Variants in KIAA1549 observed in about 807,000 individuals in gnomAD.
KIAA1549 encodes the protein UPF0606 protein KIAA1549.
In KIAA1549, 70 loss-of-function variants were observed where a neutral mutation model predicts 156.4. That is an observed-to-expected ratio of 0.45 (90% CI 0.37 to 0.55). KIAA1549 has a LOEUF of 0.55. Ranked by LOEUF, KIAA1549 falls within the 20% of genes least tolerant of loss-of-function variation. The pLI is 0.00. For synonymous variants in KIAA1549, 1,103 were observed against 1,066.4 expected (o/e 1.03, Z -0.67); for missense variants, 2,428 against 2,540.9 (o/e 0.96, Z 0.96).
Position 138,917,226 on chromosome 7 carries a change from A to T in KIAA1549, c.2400T>A (p.Thr800=), listed in dbSNP as rs1044614437. The T allele has an allele frequency of 6.2e-7, 1 of 1,614,022 alleles. No homozygotes were observed. Among genetic ancestry groups the T allele is most frequent in the Non-Finnish European group, 8.5e-7 (1 of 1,179,916 alleles). The change falls in exon 2 of 20, where the codon ACT becomes ACA. Residue 800 remains threonine, a synonymous_variant. Transcript: ENST00000422774. ...TCAGAGTTGAGAACAAAGAAGACTC[A>T]GTTAAAATGGGCGTTGTGTGGACAG... The part of the protein sequence containing the change: ...LTTVHTTPIL[T]ESSLFSTLTP...
At chr7:138,976,097 G>C (rs541601235) in intron 1 of KIAA1549, among the ~76,000 whole-genome samples, 43 of 152,172 alleles carry the variant, frequency 2.8e-4, no homozygotes, top group African/African-American at 1.0e-3. Context: ...TTTATTTTGA[G>C]ATGGAGTCTT....
At chr7:138,871,461 G>C in intron 12 of KIAA1549, 99 bp from the exon 13 acceptor site, 1 of 1,040,738 alleles carries the variant, frequency 9.6e-7, no homozygotes, top group Non-Finnish European at 1.3e-6. Context: ...CTTTGGATGG[G>C]CCTCTGACCA....
intron 1 of KIAA1549, among the ~76,000 whole-genome samples, chr7:138,970,487 C>T (rs188950579): frequency 1.3e-4 from 20 of 152,326 alleles, no homozygotes; most frequent in Admixed American, 3.9e-4. Flanking sequence ...GCGCTATGGA[C>T]TCTCCACTAA....
Position 138,963,022 on chromosome 7 carries a change from C to G in KIAA1549, c.187+18061G>C, listed in dbSNP as rs192870695. Among the ~76,000 whole-genome samples, 20 of 152,308 alleles carry G rather than the reference C, an allele frequency of 1.3e-4. No homozygotes were observed. The East Asian group carries it at 3.9e-3, about 29-fold the overall frequency. ...GTACAGAACAACTTCCCCTTGTAGACGGAGTTGCTAGAGGGCTGTGACTGA... is the reference window on the plus strand; with the variant it reads ...GTACAGAACAACTTCCCCTTGTAGAGGGAGTTGCTAGAGGGCTGTGACTGA... On this transcript the variant is annotated intron_variant, in intron 1 of 19. Coordinates refer to ENST00000422774, the MANE Select transcript of KIAA1549 (RefSeq NM_001164665.2).
intron 14 of KIAA1549, among the ~76,000 whole-genome samples, 186 bp downstream of exon 14, chr7:138,869,352 C>T (rs377552527): frequency 1.3e-5 from 2 of 152,230 alleles, no homozygotes; most frequent in African/African-American, 2.4e-5. Context: ...GTAAGCCTTC[C>T]GAGTGGCCTC....
intron 15 of KIAA1549, among the ~76,000 whole-genome samples, chr7:138,865,671 C>T (rs948643203): frequency 2.6e-5 from 4 of 152,090 alleles, no homozygotes; most frequent in African/African-American, 9.7e-5. Context: ...GCTCTGCACC[C>T]ACAGGAGGAG....
chr7:138,876,051 G>T (rs369996516), intron 12 of KIAA1549, among the ~76,000 whole-genome samples: 3 of 151,830 alleles, frequency 2.0e-5, no homozygotes, highest in African/African-American at 7.3e-5. Flanking sequence ...CGCAACCCAC[G>T]TTAACATCCT....
chr7:138,974,237 A>C (rs2130576623), intron 1 of KIAA1549, among the ~76,000 whole-genome samples: 1 of 152,158 alleles, frequency 6.6e-6, no homozygotes, highest in Non-Finnish European at 1.5e-5. Context: ...CAAAAAACTA[A>C]AGCAGAGTCC....
intron 1 of KIAA1549, among the ~76,000 whole-genome samples, chr7:138,964,022 G>A (rs1231452059): frequency 3.3e-5 from 5 of 152,176 alleles, no homozygotes; most frequent in South Asian, 2.1e-4. Flanking sequence ...TTTTTTTATT[G>A]TTAAAATGTT....
intron 1 of KIAA1549, among the ~76,000 whole-genome samples, chr7:138,966,524 G>A (rs1299375211): frequency 1.3e-5 from 2 of 152,086 alleles, no homozygotes; most frequent in Non-Finnish European, 2.9e-5. Context: ...AGAACCTGAA[G>A]TTCGATGTTC....
chr7:138,837,970 G>A lies in KIAA1549; in HGVS notation c.5789C>T (p.Ala1930Val). The A allele has an allele frequency of 6.2e-7, 1 of 1,613,776 alleles. No individual in the cohort carries two copies. The change falls in exon 20 of 20, where the codon GCA becomes GTA. Residue 1930 changes from alanine to valine, a missense_variant. Ala to Val is a moderately conservative substitution (Grantham distance 64). Transcript: ENST00000422774. ...PGHSSASLIKAIREELLRLSQ... is the reference protein window; with the variant it reads ...PGHSSASLIKVIREELLRLSQ... ...GAGCCGGAGGAGCTCCTCGCGGATT[G>A]CTTTGATGAGAGAGGCCGAGGAGTG... is the stretch of plus-strand genomic sequence containing the variant.
Position 138,833,644 on chromosome 7 carries a change from AATAT to A in KIAA1549, c.*4258_*4261del, listed in dbSNP as rs1312462035. ...TGTGTAGGTAGCAGTAAAGAAGCTG[AATAT>A]ATATATAGATAGATAGACAGATACA... On this transcript the variant is annotated 3_prime_UTR_variant, in exon 20 of 20. Transcript: ENST00000422774. The A allele has an allele frequency of 4.3e-6, 1 of 231,642 alleles. No individual in the cohort carries two copies. Among genetic ancestry groups the A allele is most frequent in the Non-Finnish European group, 8.5e-6 (1 of 117,650 alleles). 14.3% of individuals were successfully genotyped at this position (231,642 alleles called of 1,614,324 possible).
At chr7:138,883,112 A>AAAG (rs1811292813) in intron 10 of KIAA1549, among the ~76,000 whole-genome samples, 2 of 125,574 alleles carry the variant, frequency 1.6e-5, no homozygotes, top group Admixed American at 1.4e-4. Context: ...AAAAAAAAAA[A>AAAG]AAAAATTCAG....
intron 8 of KIAA1549, among the ~76,000 whole-genome samples, chr7:138,900,724 G>C (rs1811817899): frequency 6.6e-6 from 1 of 152,220 alleles, no homozygotes; most frequent in Non-Finnish European, 1.5e-5. Context: ...TCCTGAGAGA[G>C]CTGGTGTTAG....
chr7:138,909,951 A>C (rs1417521466), intron 4 of KIAA1549, among the ~76,000 whole-genome samples: 1 of 152,184 alleles, frequency 6.6e-6, no homozygotes, highest in Non-Finnish European at 1.5e-5. Flanking sequence ...CAGCTCCAAA[A>C]AAAAGAAAAG....
At chr7:138,942,053 A>G (rs1047974405) in intron 1 of KIAA1549, among the ~76,000 whole-genome samples, 1 of 152,152 alleles carries the variant, frequency 6.6e-6, no homozygotes, top group Non-Finnish European at 1.5e-5. Context: ...GCTATGATCC[A>G]TTATCCTTCT....
At chr7:138,947,916 C>T (rs190268074) in intron 1 of KIAA1549, among the ~76,000 whole-genome samples, 4 of 152,220 alleles carry the variant, frequency 2.6e-5, no homozygotes, top group East Asian at 1.9e-4. Flanking sequence ...GCATGCACCA[C>T]GAAGCCAAGC....
chr7:138,891,950 C>T (rs761903585), intron 10 of KIAA1549, among the ~76,000 whole-genome samples: 31 of 152,300 alleles, frequency 2.0e-4, no homozygotes, highest in Non-Finnish European at 3.1e-4. Flanking sequence ...CCATTTTAAA[C>T]ACACGACAAA....
At chr7:138,923,683 T>C (rs114829710) in intron 1 of KIAA1549, among the ~76,000 whole-genome samples, 143 of 152,232 alleles carry the variant, frequency 9.4e-4, no homozygotes, top group African/African-American at 3.2e-3. Flanking sequence ...TCCTATGTAA[T>C]TGGTGAGTTT....
Sources: allele counts gnomAD v4.1 joint callset (sites outside exome capture counted in the v4.1 genomes callset), GRCh38; gene constraint gnomAD v4.1.1; transcripts MANE v1.5; gene names NCBI Gene and HGNC (gene_info 2026-07-23, HGNC 2026-07-21).